LRCH1: variants seen among roughly 807,000 people sequenced by gnomAD.
The protein encoded by LRCH1 is leucine rich repeats and calponin homology domain containing 1, also known as leucine-rich repeat and calponin homology domain-containing protein 1.
Under a neutral mutation model 94.9 loss-of-function variants are expected in LRCH1, and 23 were observed. That is an observed-to-expected ratio of 0.24 (90% CI 0.17 to 0.34). The LOEUF (loss-of-function observed/expected upper bound fraction) is 0.34. Among genes scored for constraint, LRCH1 ranks in the 10% least tolerant of loss-of-function variants. The pLI is 1.00. For missense variants in LRCH1, 790 were observed against 945.9 expected, an observed-to-expected ratio of 0.84 and a Z score of 2.16; for synonymous variants, 364 against 354.9, an observed-to-expected ratio of 1.03 and a Z score of -0.29.
At chr13:46,613,288 G>A (rs761658984) in intron 1 of LRCH1, among the ~76,000 whole-genome samples, 4 of 151,980 alleles carry the variant, frequency 2.6e-5, no homozygotes, top group Non-Finnish European at 5.9e-5. Context: ...TGCTCGGGAG[G>A]CTGAGGCAGG....
At chr13:46,711,489 G>A (rs1261228061) in intron 13 of LRCH1, among the ~76,000 whole-genome samples, 1 of 152,144 alleles carries the variant, frequency 6.6e-6, no homozygotes, top group Non-Finnish European at 1.5e-5. Flanking sequence ...CAGGCAGCTT[G>A]GTCACCTAGC....
intron 1 of LRCH1, among the ~76,000 whole-genome samples, chr13:46,648,716 A>G (rs2051254267): frequency 6.6e-6 from 1 of 152,204 alleles, no homozygotes; most frequent in African/African-American, 2.4e-5. Context: ...GTAGCATTTT[A>G]AAGTTTTCTT....
chr13:46,608,974 T>C (rs983336635), intron 1 of LRCH1, among the ~76,000 whole-genome samples: 1 of 152,168 alleles, frequency 6.6e-6, no homozygotes, highest in African/African-American at 2.4e-5. Flanking sequence ...AGGGGAAGCA[T>C]GTATTATATC....
intron 1 of LRCH1, among the ~76,000 whole-genome samples, chr13:46,590,128 C>G (rs1428660184): frequency 6.6e-6 from 1 of 152,104 alleles, no homozygotes. Context: ...AAGTCAGTGT[C>G]ATCTTCGCAG....
In LRCH1 at chr13:46,652,258, A is replaced by T. The variant is rs369356003; in HGVS notation, c.452+1913A>T. Among the ~76,000 whole-genome samples, 241 of 152,100 alleles carry T rather than the reference A, an allele frequency of 1.6e-3. 5 individuals carry two copies. In the East Asian group the frequency reaches 0.034, roughly 22 times the overall value. On this transcript the variant is annotated intron_variant, in intron 2 of 19. Transcript: ENST00000389797. ...CGCCCGGCTAATTTTTTGTATTTTT[A>T]GTAGAGGCGGGGTTTCACCATGTTA...
At chr13:46,682,649 G>T (rs1000926559) in intron 4 of LRCH1, among the ~76,000 whole-genome samples, 2 of 152,176 alleles carry the variant, frequency 1.3e-5, no homozygotes, top group African/African-American at 4.8e-5. Flanking sequence ...TCTGTTCTGA[G>T]GTGAGGGTGC....
intron 2 of LRCH1, among the ~76,000 whole-genome samples, chr13:46,664,033 A>ATTGG (rs1313564755): frequency 6.6e-6 from 1 of 152,138 alleles, no homozygotes; most frequent in Non-Finnish European, 1.5e-5. Flanking sequence ...CATTTATAGG[A>ATTGG]TTATATGTTG....
chr13:46,672,781 C>G (rs2051618464), intron 3 of LRCH1, among the ~76,000 whole-genome samples: 1 of 152,172 alleles, frequency 6.6e-6, no homozygotes, highest in Admixed American at 6.5e-5. Context: ...ACTGCTGAAC[C>G]CACAGGTTCT....
intron 2 of LRCH1, among the ~76,000 whole-genome samples, chr13:46,652,895 A>G (rs947961295): frequency 1.7e-4 from 26 of 152,230 alleles, no homozygotes; most frequent in Admixed American, 1.7e-3. Context: ...ACACTAAATA[A>G]TGTCATCTTA....
Position 46,588,961 on chromosome 13 carries a change from G to GTGTATA in LRCH1, c.307+35259_307+35260insGTATAT, listed in dbSNP as rs769692103. Among the ~76,000 whole-genome samples the GTGTATA allele has an allele frequency of 3.1e-3, 462 of 150,220 alleles. 3 individuals carry two copies. The highest frequency in any genetic ancestry group is 0.019 in the South Asian group (92 of 4,764). The stretch of plus-strand genomic sequence containing the variant: ...TGTATGTGAAGGTATGCGGATGTGT[G>GTGTATA]TATATATATATATATGTTTTTTGCT... On this transcript the variant is annotated intron_variant, in intron 1 of 19. Coordinates refer to ENST00000389797, the MANE Select transcript of LRCH1 (RefSeq NM_001164211.2).
chr13:46,667,170 T>G (rs1408041653), intron 2 of LRCH1, among the ~76,000 whole-genome samples: 1 of 152,146 alleles, frequency 6.6e-6, no homozygotes, highest in Non-Finnish European at 1.5e-5. Context: ...GGAGAGAAGA[T>G]ATGACTGTAT....
chr13:46,738,495 C>T (rs571627039), intron 19 of LRCH1, among the ~76,000 whole-genome samples: 1 of 152,324 alleles, frequency 6.6e-6, no homozygotes, highest in African/African-American at 2.4e-5. Flanking sequence ...GGAAATTACA[C>T]ATACCACTGA....
At chr13:46,679,400 G>A (rs373383039) in intron 3 of LRCH1, among the ~76,000 whole-genome samples, 2 of 152,186 alleles carry the variant, frequency 1.3e-5, no homozygotes, top group South Asian at 2.1e-4. Flanking sequence ...AAAGGCCCCC[G>A]TAATTGGGAA....
chr13:46,651,514 G>C (rs1478632488), intron 2 of LRCH1, among the ~76,000 whole-genome samples: 1 of 151,932 alleles, frequency 6.6e-6, no homozygotes, highest in Non-Finnish European at 1.5e-5. Flanking sequence ...TACAAAATTA[G>C]CTGGGCGTGG....
chr13:46,658,921 T>C (rs557289442), intron 2 of LRCH1, among the ~76,000 whole-genome samples: 2 of 152,346 alleles, frequency 1.3e-5, no homozygotes, highest in South Asian at 4.1e-4. Context: ...ATTTTGTAAA[T>C]ATTCCACATA....
chr13:46,595,643 A>T (rs992792654), intron 1 of LRCH1, among the ~76,000 whole-genome samples: 4 of 152,202 alleles, frequency 2.6e-5, no homozygotes, highest in African/African-American at 9.6e-5. Context: ...TTTGTTTTTA[A>T]TTGTGAACTC....
At chr13:46,657,691 A>ACTTTTTTTTTTTTTT in intron 2 of LRCH1, among the ~76,000 whole-genome samples, 1 of 21,918 alleles carries the variant, frequency 4.6e-5, no homozygotes, top group Non-Finnish European at 1.0e-4. Context: ...ATGCCCAGCT[A>ACTTTTTTTTTTTTTT]ATTTTTTTTT....
intron 13 of LRCH1, among the ~76,000 whole-genome samples, chr13:46,707,796 T>C (rs1871844665): frequency 6.6e-6 from 1 of 152,252 alleles, no homozygotes; most frequent in Admixed American, 6.5e-5. Flanking sequence ...TTTCATTTCT[T>C]CAATAAATAT....
chr13:46,729,550 CAAAAAAA>C (rs61033499), intron 18 of LRCH1, among the ~76,000 whole-genome samples: 3 of 89,142 alleles, frequency 3.4e-5, no homozygotes, highest in Admixed American at 1.1e-4. Flanking sequence ...GACCCTGTCT[CAAAAAAA>C]AAAAAAAAAA....
Sources: gnomAD v4.1 joint callset for allele counts (sites outside exome capture counted in the v4.1 genomes callset) on GRCh38, gnomAD v4.1.1 for gene constraint, MANE v1.5 for transcripts, NCBI Gene and HGNC (gene_info 2026-07-23, HGNC 2026-07-21) for gene names.